ABCC1: variants seen among roughly 807,000 people sequenced by gnomAD.
ABCC1 encodes the protein ATP binding cassette subfamily C member 1 (ABCC1 blood group).
ABCC1 carries 83 observed loss-of-function variants against 172.9 expected under a neutral mutation model. That is an observed-to-expected ratio of 0.48 (90% CI 0.40 to 0.58). The LOEUF (loss-of-function observed/expected upper bound fraction) is 0.58, where lower values mean the gene tolerates loss of function less well. ABCC1 is among the 20% of genes least tolerant of loss of function. The pLI is 0.00. For synonymous variants in ABCC1, 937 were observed against 825.2 expected, an observed-to-expected ratio of 1.14 and a Z score of -2.32; for missense variants, 1,817 against 2,002.7, an observed-to-expected ratio of 0.91 and a Z score of 1.77.
At position 15,984,448 on chromosome 16, in the gene ABCC1, C is replaced by CGTTTTTTTTTTTTTTTTTT. The variant is rs61396501; in HGVS notation, c.49-23368_49-23367insGTTTTTTTTTTTTTTTTTT. Among the ~76,000 whole-genome samples, 5 of 146,950 alleles carry CGTTTTTTTTTTTTTTTTTT rather than the reference C, an allele frequency of 3.4e-5. 2 individuals are homozygous for CGTTTTTTTTTTTTTTTTTT. Among genetic ancestry groups the CGTTTTTTTTTTTTTTTTTT allele is most frequent in the Non-Finnish European group, 6.0e-5 (4 of 66,862 alleles). On this transcript the variant is annotated intron_variant, in intron 1 of 30. Transcript: ENST00000399410. ...TTTTTATTGTTTACCTTGATATATA[C>CGTTTTTTTTTTTTTTTTTT]TTTTTTTTTTTTTGAGATAGAGTCT...
intron 21 of ABCC1, among the ~76,000 whole-genome samples, chr16:16,110,976 C>T (rs1240015181): frequency 6.6e-6 from 1 of 152,154 alleles, no homozygotes. Context: ...TCTTGGCTCA[C>T]TGCTTCTACC....
At chr16:16,121,500 C>T (rs2045155613) in intron 23 of ABCC1, among the ~76,000 whole-genome samples, 1 of 152,188 alleles carries the variant, frequency 6.6e-6, no homozygotes, top group Admixed American at 6.5e-5. Flanking sequence ...CTGCTGGTTC[C>T]AGAAAACCCT....
At chr16:16,131,655 A>G (rs2045676417) in intron 26 of ABCC1, 134 bp from the exon 27 acceptor site, 3 of 933,234 alleles carry the variant, frequency 3.2e-6, no homozygotes, top group South Asian at 1.7e-5. Context: ...CATTCCAGGA[A>G]GGGCAACCCC....
At position 16,111,516 on chromosome 16, in the gene ABCC1, G is replaced by A. The variant is rs533057319; in HGVS notation, c.3013G>A (p.Val1005Ile). 11 of 1,614,152 alleles carry A rather than the reference G, an allele frequency of 6.8e-6. No homozygotes were observed. Among genetic ancestry groups the A allele is most frequent in the South Asian group, 4.4e-5 (4 of 91,078 alleles). Reference protein sequence around the residue: ...WLSLWTDDPIVNGTQEHTKVR... With the variant: ...WLSLWTDDPIINGTQEHTKVR... Reference sequence around the variant, plus strand: ...CAGCCTCTGGACTGATGACCCCATCGTCAACGGGACTCAGGAGCACACGAA... The same window carrying A: ...CAGCCTCTGGACTGATGACCCCATCATCAACGGGACTCAGGAGCACACGAA... The change falls in exon 22 of 31, where the codon GTC becomes ATC. Residue 1005 changes from valine to isoleucine, a missense_variant. Physicochemically the swap from Val to Ile is conservative, Grantham distance 29. Transcript: ENST00000399410.
chr16:16,102,702 G>A lies in ABCC1; in HGVS notation c.2720G>A (p.Gly907Glu). 6.3e-7 allele frequency: 1 copy of A among 1,582,418 alleles called. No individual in the cohort carries two copies. Among genetic ancestry groups the A allele is most frequent in the South Asian group, 1.2e-5 (1 of 86,370 alleles). The change falls in exon 20 of 31, where the codon GGG (glycine) becomes GAG (glutamate). Residue 907 changes from glycine to glutamate, a missense_variant. Gly to Glu is a moderately conservative substitution (Grantham distance 98). This residue lies in a region of ABCC1 where 1,412 missense variants were observed against 1,600.3 expected (regional missense o/e 0.88). Transcript: ENST00000399410. ...ENGMLVTDSA[G>E]KQLQRQLSSS... ...GGCATGCTGGTGACGGACAGTGCAG[G>A]GAAGCAACTGCAGAGGTAAGGGCGG...
intron 1 of ABCC1, among the ~76,000 whole-genome samples, chr16:15,971,985 G>A (rs912401148): frequency 2.6e-5 from 4 of 152,176 alleles, no homozygotes; most frequent in Non-Finnish European, 4.4e-5. Flanking sequence ...GGAACCTCCA[G>A]GAGTTGATTT....
intron 1 of ABCC1, among the ~76,000 whole-genome samples, chr16:15,954,351 C>T (rs1287597311): frequency 6.6e-6 from 1 of 152,062 alleles, no homozygotes; most frequent in South Asian, 2.1e-4. Flanking sequence ...TTTTTGGCTG[C>T]CCCTCCTTCC....
intron 22 of ABCC1, among the ~76,000 whole-genome samples, chr16:16,114,241 G>A (rs1315732531): frequency 6.6e-6 from 1 of 152,162 alleles, no homozygotes; most frequent in Non-Finnish European, 1.5e-5. Flanking sequence ...GTTATTCAGA[G>A]TCATCATAAA....
At chr16:16,109,328 C>T (rs932824971) in intron 21 of ABCC1, among the ~76,000 whole-genome samples, 2 of 152,082 alleles carry the variant, frequency 1.3e-5, no homozygotes, top group Non-Finnish European at 2.9e-5. Context: ...AGGTGTGGAC[C>T]ACCACACCTA....
Position 16,010,037 on chromosome 16 carries a change from C to CTTTTTTTTTTTTTTTTTTTTTT in ABCC1, c.351+138_351+159dup, listed in dbSNP as rs71388789. On this transcript the variant is annotated intron_variant, in intron 3 of 30. Coordinates refer to ENST00000399410, the MANE Select transcript of ABCC1 (RefSeq NM_004996.4). ...AGCTGGGATATAAATTAAATGTAGCCTTTTTTTTTTTTTTTTTTTTTTTAA... is the reference window on the plus strand; with the variant it reads ...AGCTGGGATATAAATTAAATGTAGCCTTTTTTTTTTTTTTTTTTTTTTTTTTTTTTTTTTTTTTTTTTTTTAA... 3.0e-5 allele frequency: 3 copies of CTTTTTTTTTTTTTTTTTTTTTT among 100,498 alleles called. 1 individual carries two copies. The highest frequency in any genetic ancestry group is 1.7e-4 in the African/African-American group (3 of 17,332). 6.2% of individuals were successfully genotyped at this position (100,498 alleles called of 1,614,324 possible).
intron 2 of ABCC1, among the ~76,000 whole-genome samples, chr16:16,009,506 C>T (rs1350380814): frequency 6.6e-6 from 1 of 152,088 alleles, no homozygotes; most frequent in African/African-American, 2.4e-5. Context: ...TGTTCAGGCA[C>T]CGGGGAGCAT....
chr16:16,042,523 T>C (rs1177205998), intron 7 of ABCC1, among the ~76,000 whole-genome samples: 1 of 151,992 alleles, frequency 6.6e-6, no homozygotes, highest in Non-Finnish European at 1.5e-5. Flanking sequence ...GCTAACATGG[T>C]GAAACCCTGT....
intron 1 of ABCC1, among the ~76,000 whole-genome samples, chr16:16,004,143 CACTG>C (rs1327156266): frequency 6.6e-6 from 1 of 150,738 alleles, no homozygotes; most frequent in African/African-American, 2.4e-5. Context: ...TGGTGGGGAA[CACTG>C]ACTGTGGTGG....
chr16:15,953,318 G>A (rs2045919246), intron 1 of ABCC1, among the ~76,000 whole-genome samples: 2 of 152,100 alleles, frequency 1.3e-5, no homozygotes, highest in Non-Finnish European at 2.9e-5. Context: ...GGGCGACAGA[G>A]AGACTGTCTC....
chr16:15,968,314 G>T (rs1217581817), intron 1 of ABCC1, among the ~76,000 whole-genome samples: 1 of 151,926 alleles, frequency 6.6e-6, no homozygotes, highest in Admixed American at 6.6e-5. Flanking sequence ...GATTACCGGG[G>T]TGAGCCACCA....
In ABCC1 at chr16:16,046,203, A is replaced by G. The variant is rs150935951; in HGVS notation, c.1218+190A>G. ...TTGTACGTTAGGAAAGCTGATTTCA[A>G]GGGTGGGCGTGTAGATGTCTTTGTG... On this transcript the variant is annotated intron_variant, in intron 9 of 30. Coordinates refer to ENST00000399410, the MANE Select transcript of ABCC1 (RefSeq NM_004996.4). Among the ~76,000 whole-genome samples, 393 of 152,258 alleles carry G rather than the reference A, an allele frequency of 2.6e-3. 1 individual carries two copies. Among genetic ancestry groups the G allele is most frequent in the Middle Eastern group, 6.8e-3 (2 of 294 alleles).
At chr16:16,114,377 T>C (rs2044752265) in intron 22 of ABCC1, among the ~76,000 whole-genome samples, 1 of 152,008 alleles carries the variant, frequency 6.6e-6, no homozygotes, top group African/African-American at 2.4e-5. Context: ...TCTCATTCTG[T>C]CGCCCATGTT....
intron 10 of ABCC1, among the ~76,000 whole-genome samples, chr16:16,049,592 T>A (rs921774093): frequency 2.0e-5 from 3 of 152,216 alleles, no homozygotes; most frequent in Admixed American, 6.5e-5. Context: ...TTACCCTCCC[T>A]TCTCAATTAG....
chr16:16,103,672 C>G (rs565205426), intron 20 of ABCC1, among the ~76,000 whole-genome samples: 1 of 152,146 alleles, frequency 6.6e-6, no homozygotes, highest in South Asian at 2.1e-4. Context: ...CGTATCAGAC[C>G]GCGGAGATCT....
Sources: allele counts gnomAD v4.1 joint callset (sites outside exome capture counted in the v4.1 genomes callset), GRCh38; gene constraint gnomAD v4.1.1; regional missense constraint gnomAD v4.1.1; transcripts MANE v1.5; gene names NCBI Gene and HGNC (gene_info 2026-07-23, HGNC 2026-07-21).